The following PCGF5 variants were observed in gnomAD, a reference collection of about 807,000 sequenced individuals.
The protein encoded by PCGF5 is polycomb group RING finger protein 5.
PCGF5 carries 9 observed loss-of-function variants against 44.3 expected under a neutral mutation model. That is an observed-to-expected ratio of 0.20 (90% CI 0.12 to 0.35). PCGF5 has a LOEUF of 0.35. Ranked by LOEUF, PCGF5 falls within the 10% of genes least tolerant of loss-of-function variation. The pLI is 1.00. For missense variants in PCGF5, 146 were observed against 305.3 expected (o/e 0.48, Z 3.89); for synonymous variants, 95 against 102.5 (o/e 0.93, Z 0.44).
chr10:91,170,963 C>T (rs142135129), intron 1 of PCGF5, among the ~76,000 whole-genome samples: 1 of 152,282 alleles, frequency 6.6e-6, no homozygotes, highest in African/African-American at 2.4e-5. Context: ...AGCTTAAATG[C>T]ATATTCCTAA....
chr10:91,205,298 C>G (rs1844326259), intron 1 of PCGF5, among the ~76,000 whole-genome samples: 1 of 151,784 alleles, frequency 6.6e-6, no homozygotes, highest in Non-Finnish European at 1.5e-5. Context: ...TGGACACACA[C>G]ACACACACAC....
At position 91,233,632 on chromosome 10, in the gene PCGF5, C is replaced by T. The variant is rs116667450; in HGVS notation, c.113-6852C>T. Among the ~76,000 whole-genome samples the T allele has an allele frequency of 7.2e-3, 1,093 of 152,252 alleles. 14 individuals are homozygous for T. The highest frequency in any genetic ancestry group is 0.025 in the African/African-American group (1,022 of 41,548). On this transcript the variant is annotated intron_variant, in intron 2 of 9. Transcript: ENST00000336126. ...TGCATGGAAGCGAATTACAGCTATT[C>T]TGGATTTTTTAAATTAGTGTTAGTT...
intron 5 of PCGF5, among the ~76,000 whole-genome samples, chr10:91,250,128 C>G (rs910076977): frequency 1.3e-5 from 2 of 151,938 alleles, no homozygotes; most frequent in Non-Finnish European, 2.9e-5. Flanking sequence ...TGGTCTTTAG[C>G]TTGGGTGGAG....
At chr10:91,230,128 G>A (rs956556117) in intron 2 of PCGF5, among the ~76,000 whole-genome samples, 4 of 152,126 alleles carry the variant, frequency 2.6e-5, no homozygotes, top group Admixed American at 1.3e-4. Flanking sequence ...TGAGCAAAAC[G>A]TCATAGTGGA....
intron 2 of PCGF5, among the ~76,000 whole-genome samples, chr10:91,234,870 G>T (rs1845112149): frequency 6.6e-6 from 1 of 152,176 alleles, no homozygotes; most frequent in African/African-American, 2.4e-5. Context: ...TAGGCAGTCT[G>T]CCTCAACATT....
At chr10:91,241,451 T>G (rs1189312240) in intron 3 of PCGF5, among the ~76,000 whole-genome samples, 1 of 152,080 alleles carries the variant, frequency 6.6e-6, no homozygotes, top group Non-Finnish European at 1.5e-5. Context: ...TCTAGAGAAG[T>G]GATATGACTT....
chr10:91,167,305 TC>T (rs1207950310), intron 1 of PCGF5, among the ~76,000 whole-genome samples: 1 of 152,234 alleles, frequency 6.6e-6, no homozygotes, highest in African/African-American at 2.4e-5. Context: ...AGATACTCTT[TC>T]TTTAAGAGGC....
chr10:91,276,705 A>T (rs1247846034), intron 9 of PCGF5, among the ~76,000 whole-genome samples: 1 of 152,208 alleles, frequency 6.6e-6, no homozygotes, highest in South Asian at 2.1e-4. Context: ...TCCCTAGTAG[A>T]ATTAATGGAT....
chr10:91,190,467 C>T (rs1052866996), intron 1 of PCGF5, among the ~76,000 whole-genome samples: 4 of 152,072 alleles, frequency 2.6e-5, no homozygotes, highest in Non-Finnish European at 5.9e-5. Context: ...CTTTAGTTTC[C>T]CCATGTATAA....
intron 9 of PCGF5, among the ~76,000 whole-genome samples, chr10:91,275,554 C>T (rs1754939134): frequency 6.6e-6 from 1 of 151,494 alleles, no homozygotes; most frequent in Non-Finnish European, 1.5e-5. Flanking sequence ...GATTCTCCTG[C>T]CTCAGCCTCC....
intron 1 of PCGF5, among the ~76,000 whole-genome samples, chr10:91,207,596 C>T (rs907874172): frequency 1.3e-5 from 2 of 152,164 alleles, no homozygotes; most frequent in Non-Finnish European, 2.9e-5. Context: ...AGACCTGTCC[C>T]AATGATATCC....
intron 9 of PCGF5, among the ~76,000 whole-genome samples, chr10:91,272,628 C>T (rs1012638847): frequency 6.6e-6 from 1 of 151,964 alleles, no homozygotes; most frequent in Non-Finnish European, 1.5e-5. Flanking sequence ...CAAAAATTAG[C>T]CGGGTGTGGT....
At chr10:91,251,247 T>A in intron 5 of PCGF5, 45 bp from the exon 6 acceptor site, 1 of 1,498,608 alleles carries the variant, frequency 6.7e-7, no homozygotes, top group East Asian at 2.3e-5. Flanking sequence ...AACTTTAAAA[T>A]CAACTTTGAT....
intron 1 of PCGF5, among the ~76,000 whole-genome samples, chr10:91,204,060 A>G (rs1844299609): frequency 6.6e-6 from 1 of 152,244 alleles, no homozygotes; most frequent in African/African-American, 2.4e-5. Flanking sequence ...ATCTGTAACC[A>G]GAACTACAGA....
At chr10:91,251,582 A>T (rs938675256) in intron 6 of PCGF5, 142 bp downstream of exon 6, 1 of 836,828 alleles carries the variant, frequency 1.2e-6, no homozygotes, top group Non-Finnish European at 1.9e-6. Flanking sequence ...ATTCTTTGAC[A>T]ATCCTATGCT....
upstream of PCGF5, among the ~76,000 whole-genome samples, chr10:91,217,031 A>C (rs2133262718): frequency 6.7e-6 from 1 of 149,574 alleles, no homozygotes; most frequent in Non-Finnish European, 1.5e-5. Flanking sequence ...TAATAATGAA[A>C]ATTTCACCTT....
chr10:91,192,015 C>T (rs1589361011), intron 1 of PCGF5, among the ~76,000 whole-genome samples: 1 of 152,320 alleles, frequency 6.6e-6, no homozygotes, highest in East Asian at 1.9e-4. Flanking sequence ...CAGGTTCCTC[C>T]TCTATAAAGT....
intron 1 of PCGF5, among the ~76,000 whole-genome samples, chr10:91,164,826 A>G (rs1843469597): frequency 6.6e-6 from 1 of 151,690 alleles, no homozygotes; most frequent in African/African-American, 2.4e-5. Context: ...GAGCCACCCC[A>G]TAATACTATT....
intron 1 of PCGF5, among the ~76,000 whole-genome samples, chr10:91,213,097 C>G (rs764248207): frequency 9.2e-5 from 14 of 152,084 alleles, no homozygotes; most frequent in Non-Finnish European, 1.9e-4. Flanking sequence ...TTCTTATGTG[C>G]AGTTTAAGTG....
Sources: allele counts gnomAD v4.1 joint callset (sites outside exome capture counted in the v4.1 genomes callset), GRCh38; gene constraint gnomAD v4.1.1; transcripts MANE v1.5; gene names NCBI Gene and HGNC (gene_info 2026-07-23, HGNC 2026-07-21).